The following TP53BP1 variants were observed in gnomAD, a reference collection of about 807,000 sequenced individuals.
TP53BP1 encodes TP53-binding protein 1.
A neutral mutation model predicts 200.8 loss-of-function variants in TP53BP1; 61 were observed. The observed-to-expected ratio is 0.30, with a 90% CI of 0.25 to 0.38. The LOEUF is 0.38. Ranked by LOEUF, TP53BP1 falls within the 10% of genes least tolerant of loss-of-function variation. The pLI is 1.00. For synonymous variants in TP53BP1, 822 were observed against 844.3 expected, an observed-to-expected ratio of 0.97 and a Z score of 0.46; for missense variants, 2,144 against 2,371.9, an observed-to-expected ratio of 0.90 and a Z score of 2.00.
intron 8 of TP53BP1, 35 bp downstream of exon 8, chr15:43,477,558 G>A: frequency 1.9e-6 from 3 of 1,560,562 alleles, no homozygotes; most frequent in South Asian, 1.2e-5. Context: ...TTAGATCTTT[G>A]GAGAAGAGCT....
intron 9 of TP53BP1, 41 bp from the exon 10 acceptor site, chr15:43,474,808 C>T (rs1333284686): frequency 9.3e-6 from 13 of 1,399,218 alleles, no homozygotes; most frequent in African/African-American, 1.4e-5. Flanking sequence ...TTACCATAGC[C>T]ACAGTTTTGC....
intron 17 of TP53BP1, 69 bp from the exon 18 acceptor site, chr15:43,428,237 T>C: frequency 7.2e-7 from 1 of 1,385,766 alleles, no homozygotes. Flanking sequence ...AATCTTATGC[T>C]TCATGATGAG....
In TP53BP1 at chr15:43,432,198, C is replaced by T; in HGVS notation, c.3671G>A (p.Ser1224Asn). 6.2e-7 allele frequency: 1 copy of T among 1,613,520 alleles called. No individual in the cohort carries two copies. The highest frequency in any genetic ancestry group is 8.5e-7 in the Non-Finnish European group (1 of 1,179,642). The change falls in exon 17 of 28, where the codon AGC (serine) becomes AAC (asparagine). Residue 1224 changes from serine to asparagine, a missense_variant. By Grantham distance (46) the Ser-to-Asn change is conservative. This residue lies in a region of TP53BP1 where 1,700 missense variants were observed against 1,710.3 expected (regional missense o/e 0.99). Coordinates refer to ENST00000382044, the MANE Select transcript of TP53BP1 (RefSeq NM_001141980.3). Reference sequence around the variant, plus strand: ...CACCCTAGTATGTTCTCTCACCTGGCTATGGAGCGACTCTGTATCATCCCC... The same window carrying T: ...CACCCTAGTATGTTCTCTCACCTGGTTATGGAGCGACTCTGTATCATCCCC... ...APGDDTESLHSQGEEEFDMPQ... is the reference protein window; with the variant it reads ...APGDDTESLHNQGEEEFDMPQ...
At chr15:43,470,627 GA>G (rs1214429609) in intron 10 of TP53BP1, among the ~76,000 whole-genome samples, 1 of 152,104 alleles carries the variant, frequency 6.6e-6, no homozygotes, top group African/African-American at 2.4e-5. Flanking sequence ...AAAGAACTAA[GA>G]AAGAGAAGAC....
intron 1 of TP53BP1, among the ~76,000 whole-genome samples, chr15:43,510,200 T>A (rs552845920): frequency 1.6e-3 from 240 of 151,450 alleles, no homozygotes; most frequent in South Asian, 0.014. Context: ...AATACAACAG[T>A]CTCCTGAGGG....
intron 26 of TP53BP1, 40 bp downstream of exon 26, chr15:43,408,857 C>T (rs1478373063): frequency 2.5e-6 from 4 of 1,595,976 alleles, no homozygotes; most frequent in Non-Finnish European, 3.4e-6. Context: ...GCTTGCTGTC[C>T]TCCTGCCTAT....
chr15:43,422,248 C>T, intron 18 of TP53BP1, 122 bp from the exon 19 acceptor site: 2 of 1,176,992 alleles, frequency 1.7e-6, no homozygotes, highest in South Asian at 3.2e-5. Context: ...AATCAGGAGA[C>T]TTTCTGGAAT....
At chr15:43,411,196 G>A (rs1172348931) in intron 24 of TP53BP1, among the ~76,000 whole-genome samples, 3 of 152,184 alleles carry the variant, frequency 2.0e-5, no homozygotes, top group Non-Finnish European at 4.4e-5. Flanking sequence ...TCTAGGCAGT[G>A]TGTTTCTCTA....
chr15:43,465,016 T>C (rs1304965190), intron 11 of TP53BP1, among the ~76,000 whole-genome samples: 1 of 152,120 alleles, frequency 6.6e-6, no homozygotes, highest in Non-Finnish European at 1.5e-5. Context: ...AATGAAAATC[T>C]GATACATGCT....
chr15:43,407,847 A>G, intron 27 of TP53BP1, 96 bp downstream of exon 27: 1 of 1,267,446 alleles, frequency 7.9e-7, no homozygotes, highest in Non-Finnish European at 1.1e-6. Flanking sequence ...GGATACGGTC[A>G]ACCTATTAGG....
chr15:43,461,246 G>C lies in TP53BP1; in HGVS notation c.1390-4028C>G, dbSNP rs754096326. On this transcript the variant is annotated intron_variant, in intron 11 of 27. Coordinates refer to ENST00000382044, the MANE Select transcript of TP53BP1 (RefSeq NM_001141980.3). ...TTATTTTATTTTTTTTTTGAGACAG[G>C]TCTTGCTCTGTTGCCCAGGCTGGAG... is the stretch of plus-strand genomic sequence containing the variant. Among the ~76,000 whole-genome samples the C allele has an allele frequency of 5.3e-5, 8 of 151,656 alleles. 1 individual carries two copies. The highest frequency in any genetic ancestry group is 2.1e-4 in the South Asian group (1 of 4,812).
intron 23 of TP53BP1, among the ~76,000 whole-genome samples, chr15:43,415,001 C>T (rs1325034453): frequency 6.6e-6 from 1 of 152,076 alleles, no homozygotes; most frequent in Non-Finnish European, 1.5e-5. Flanking sequence ...AGCCACCATG[C>T]CCAGCCATGT....
chr15:43,475,529 T>C (rs778345081), intron 9 of TP53BP1, 36 bp downstream of exon 9: 137 of 1,612,038 alleles, frequency 8.5e-5, no homozygotes, highest in Non-Finnish European at 1.2e-4. Flanking sequence ...CTCAGGCACA[T>C]ACTGCCTTGG....
intron 1 of TP53BP1, among the ~76,000 whole-genome samples, chr15:43,504,115 C>A (rs925737898): frequency 2.0e-5 from 3 of 152,014 alleles, no homozygotes; most frequent in Admixed American, 6.6e-5. Flanking sequence ...CAAGACCCCC[C>A]TCCTCATCTC....
intron 11 of TP53BP1, among the ~76,000 whole-genome samples, chr15:43,466,904 T>C (rs2046594280): frequency 1.3e-5 from 2 of 152,020 alleles, no homozygotes; most frequent in African/African-American, 4.8e-5. Context: ...TGGAGGTAAA[T>C]ACCAAAAGAA....
intron 24 of TP53BP1, 77 bp downstream of exon 24, chr15:43,413,042 G>T: frequency 7.1e-7 from 1 of 1,409,386 alleles, no homozygotes; most frequent in Non-Finnish European, 9.9e-7. Context: ...ACAACAGGGG[G>T]ACCACCAGCT....
At chr15:43,507,776 C>T (rs1034551958) in intron 1 of TP53BP1, among the ~76,000 whole-genome samples, 1 of 151,486 alleles carries the variant, frequency 6.6e-6, no homozygotes, top group Non-Finnish European at 1.5e-5. Context: ...CAAGCTAGAG[C>T]GCAGTGGCGA....
chr15:43,409,192 CT>C, intron 25 of TP53BP1, 96 bp from the exon 26 acceptor site: 1 of 1,093,736 alleles, frequency 9.1e-7, no homozygotes, highest in Non-Finnish European at 1.4e-6. Context: ...GATCTGAAGA[CT>C]CCCAACTACT....
chr15:43,458,393 C>T (rs375917808), intron 11 of TP53BP1, among the ~76,000 whole-genome samples: 3 of 151,468 alleles, frequency 2.0e-5, no homozygotes, highest in South Asian at 4.2e-4. Flanking sequence ...GAGCTGAGAT[C>T]GTGACATTGT....
Sources: gnomAD v4.1 joint callset for allele counts (sites outside exome capture counted in the v4.1 genomes callset) on GRCh38, gnomAD v4.1.1 for gene constraint, gnomAD v4.1.1 regional missense constraint, MANE v1.5 for transcripts, NCBI Gene and HGNC (gene_info 2026-07-23, HGNC 2026-07-21) for gene names.